The following SETD1A variants were observed in gnomAD, a reference collection of about 807,000 sequenced individuals.
SETD1A encodes the protein histone-lysine N-methyltransferase SETD1A.
Under a neutral mutation model 149.9 loss-of-function variants are expected in SETD1A, and 29 were observed. The ratio of observed to expected loss-of-function variants is 0.19; its 90% CI spans 0.14 to 0.26. SETD1A has a LOEUF of 0.26. Among genes scored for constraint, SETD1A ranks in the 10% least tolerant of loss-of-function variants. SETD1A has a pLI of 1.00. For missense variants in SETD1A, 2,109 were observed against 2,353.1 expected (o/e 0.90, Z 2.15); for synonymous variants, 1,141 against 968.5 (o/e 1.18, Z -3.31).
Position 30,983,790 on chromosome 16 carries a change from C to T in SETD1A, c.4950+18C>T, listed in dbSNP as rs753620735. The T allele has an allele frequency of 2.3e-5, 37 of 1,613,080 alleles. 1 individual carries two copies. Among genetic ancestry groups the T allele is most frequent in the Admixed American group, 1.3e-4 (8 of 59,944 alleles). The stretch of plus-strand genomic sequence containing the variant: ...GCTGCACGGTGCGCCAGGGGCCAGC[C>T]GGGGCAGGAGTTGGGGGTCGGTGGG... On this transcript the variant is annotated intron_variant, in intron 18 of 18. Coordinates refer to ENST00000262519, the MANE Select transcript of SETD1A (RefSeq NM_014712.3). The surrounding 1 kb of genome is among the most constrained non-coding windows in gnomAD (Gnocchi z 6.8).
At chr16:30,958,377 G>A (rs1185658757) in intron 1 of SETD1A, 1 of 205,488 alleles carries the variant, frequency 4.9e-6, no homozygotes, top group Non-Finnish European at 9.8e-6. Context: ...GGCCCGGGCC[G>A]CTGGCCGGTG....
At chr16:30,968,499 T>C (rs2056181675) in intron 10 of SETD1A, among the ~76,000 whole-genome samples, 1 of 150,188 alleles carries the variant, frequency 6.7e-6, no homozygotes, top group Admixed American at 6.6e-5. Flanking sequence ...TACACACACA[T>C]ATGCGTATCT....
At position 30,979,712 on chromosome 16, in the gene SETD1A, CGCCCCCTGCGCCAGCCCTGCG is replaced by C; in HGVS notation, c.3933_3953del (p.Ala1312_Pro1318del). The C allele has an allele frequency of 6.2e-7, 1 of 1,601,636 alleles. No homozygotes were observed. The highest frequency in any genetic ancestry group is 2.2e-5 in the East Asian group (1 of 44,792). On this transcript the variant is annotated inframe_deletion, in exon 14 of 19. Coordinates refer to ENST00000262519, the MANE Select transcript of SETD1A (RefSeq NM_014712.3). ...AACTATGCCCTGGCCGTCAAGCCCACGCCCCCTGCGCCAGCCCTGCGGCCCCCGGAGCCAGTGCCCGCACCC... is the reference window on the plus strand; with the variant it reads ...AACTATGCCCTGGCCGTCAAGCCCACGCCCCCGGAGCCAGTGCCCGCACCC...
rs1453543817 is a variant in SETD1A, at chr16:30,964,608, C to G, written c.870-4C>G. On this transcript the variant is annotated splice_polypyrimidine_tract_variant and splice_region_variant and intron_variant, in intron 6 of 18. Transcript: ENST00000262519. The stretch of plus-strand genomic sequence containing the variant: ...TCCAGCTAACTCCCCTGCTTCTTCT[C>G]CAGCACCACTTCAACCTCCTTCAAG... The G allele has an allele frequency of 6.2e-7, 1 of 1,610,272 alleles. No homozygotes were observed. The highest frequency in any genetic ancestry group is 1.3e-5 in the African/African-American group (1 of 74,894).
At chr16:30,976,600 G>A (rs1001094974) in intron 13 of SETD1A, among the ~76,000 whole-genome samples, 6 of 152,118 alleles carry the variant, frequency 3.9e-5, no homozygotes, top group Non-Finnish European at 7.4e-5. Context: ...GAAACTGAAG[G>A]ATGGGAAGTT....
In SETD1A at chr16:30,981,054, C is replaced by T; in HGVS notation, c.4693-7C>T. 1 of 1,613,992 alleles carries T rather than the reference C, an allele frequency of 6.2e-7. No homozygotes were observed. Among genetic ancestry groups the T allele is most frequent in the Admixed American group, 1.7e-5 (1 of 60,014 alleles). The stretch of plus-strand genomic sequence containing the variant: ...TCTGGCAGTTGAGTCTCCCTTCTGC[C>T]CCCCAGTTCCGGAAGAAGAAGCTCC... On this transcript the variant is annotated splice_region_variant and splice_polypyrimidine_tract_variant and intron_variant, in intron 16 of 18. Transcript: ENST00000262519.
intron 13 of SETD1A, 30 bp downstream of exon 13, chr16:30,971,749 G>A (rs374491574): frequency 1.4e-5 from 21 of 1,525,604 alleles, no homozygotes; most frequent in African/African-American, 2.8e-5. Flanking sequence ...CGGTTAGATC[G>A]CTGTGTGTGT....
Position 30,964,117 on chromosome 16 carries a change from C to T in SETD1A, c.663C>T (p.Ser221=), listed in dbSNP as rs1359714708. Residue 221 remains serine (S), a synonymous_variant, in exon 6 of 19, where the codon TCC becomes TCT. Coordinates refer to ENST00000262519, the MANE Select transcript of SETD1A (RefSeq NM_014712.3). ...AGGCCGAATCCCGCCGCCGCTCTTCCTCTGACACAGCTGCCTACCCAGCAG... is the reference window on the plus strand; with the variant it reads ...AGGCCGAATCCCGCCGCCGCTCTTCTTCTGACACAGCTGCCTACCCAGCAG... ...TETAESRRRS[S]SDTAAYPAGT... The T allele has an allele frequency of 6.2e-7, 1 of 1,613,702 alleles. No homozygotes were observed. Among genetic ancestry groups the T allele is most frequent in the East Asian group, 2.2e-5 (1 of 44,880 alleles).
rs1310642754 is a variant in SETD1A, at chr16:30,964,988, G to A, written c.1246G>A (p.Glu416Lys). 4.3e-6 allele frequency: 7 copies of A among 1,613,668 alleles called. No individual in the cohort carries two copies. The highest frequency in any genetic ancestry group is 5.1e-6 in the Non-Finnish European group (6 of 1,179,972). ...PPSYTSYLPP[E>K]PSRPTDQDYR... Reference sequence around the variant, plus strand: ...TTCTTACACCTCCTACCTGCCCCCCGAGCCCAGCCGGCCCACCGACCAGGA... The same window carrying A: ...TTCTTACACCTCCTACCTGCCCCCCAAGCCCAGCCGGCCCACCGACCAGGA... The change falls in exon 7 of 19, where the codon GAG (glutamate) becomes AAG (lysine). Residue 416 changes from glutamate (E) to lysine (K), a missense_variant. Coordinates refer to ENST00000262519, the MANE Select transcript of SETD1A (RefSeq NM_014712.3).
chr16:30,969,517 T>G, intron 11 of SETD1A, 55 bp downstream of exon 11: 1 of 1,599,974 alleles, frequency 6.3e-7, no homozygotes, highest in Non-Finnish European at 8.5e-7. Context: ...AGCCAGCATC[T>G]TTGTGGTTGG....
chr16:30,969,837 A>G, intron 12 of SETD1A, 148 bp downstream of exon 12: 1 of 668,962 alleles, frequency 1.5e-6, no homozygotes, highest in Non-Finnish European at 2.7e-6. Flanking sequence ...CCACATTCTT[A>G]GGAACCCTTG....
chr16:30,981,440 T>A (rs927624419), intron 17 of SETD1A, among the ~76,000 whole-genome samples: 4 of 152,178 alleles, frequency 2.6e-5, no homozygotes, highest in Non-Finnish European at 5.9e-5. Flanking sequence ...AGTGGTGCGA[T>A]CTTGGCACAC....
chr16:30,973,108 G>C (rs1349542859), intron 13 of SETD1A, among the ~76,000 whole-genome samples: 1 of 152,172 alleles, frequency 6.6e-6, no homozygotes, highest in Non-Finnish European at 1.5e-5. Context: ...TGAGCACAAG[G>C]GGGCACTGGG....
Position 30,979,988 on chromosome 16 carries a change from G to GGC in SETD1A, c.4202_4203insGC (p.Arg1402ProfsTer24). On this transcript the variant is annotated frameshift_variant, in exon 14 of 19. Transcript: ENST00000262519. LOFTEE classifies it high-confidence loss of function. ...AGCCTCCGCTCCCACGCCCGGCGCC[G>GGC]CCGCCCTCCGCCCCCACCCCCGCCG... 2.7e-6 allele frequency: 4 copies of GGC among 1,494,168 alleles called. No homozygotes were observed. Among genetic ancestry groups the GGC allele is most frequent in the Non-Finnish European group, 3.5e-6 (4 of 1,126,904 alleles). The allele number at this position is 1,494,168 out of a possible 1,614,324, so 92.6% of individuals were successfully genotyped here. A position where few individuals can be genotyped will look rare whatever the true frequency, so the allele number is the denominator to read the frequency against.
At position 30,961,629 on chromosome 16, in the gene SETD1A, A is replaced by G. The variant is rs2056053815; in HGVS notation, c.517+92A>G. 4.1e-6 allele frequency: 5 copies of G among 1,224,404 alleles called. No individual in the cohort carries two copies. Among genetic ancestry groups the G allele is most frequent in the African/African-American group, 1.5e-5 (1 of 65,296 alleles). The allele number at this position is 1,224,404 out of a possible 1,614,324, so 75.8% of individuals were successfully genotyped here. A position where few individuals can be genotyped will look rare whatever the true frequency, so the allele number is the denominator to read the frequency against. The stretch of plus-strand genomic sequence containing the variant: ...CAGGGTCAGGCAGGCGCCCAGGGTC[A>G]TGATCTGAAACTGCTGGGGCCAGTT... On this transcript the variant is annotated intron_variant, in intron 4 of 18. Transcript: ENST00000262519. This position sits in a 1 kb window ranked among gnomAD's most constrained non-coding sequence, Gnocchi z 4.0.
rs775419625 is a variant in SETD1A at position 30,983,879 on chromosome 16, C to A, written c.4980C>A (p.Ile1660=). The change falls in exon 19 of 19, where the codon ATC becomes ATA. Residue 1660 remains isoleucine, a synonymous_variant. Transcript: ENST00000262519. This position sits in a 1 kb window ranked among gnomAD's most constrained non-coding sequence, Gnocchi z 6.8. Reference sequence around the variant, plus strand: ...ACTGCTACGCCAAGGTCATCACCATCGAGTCCCAGAAGAAGATCGTGATCT... The same window carrying A: ...ACTGCTACGCCAAGGTCATCACCATAGAGTCCCAGAAGAAGATCGTGATCT... ...TPNCYAKVIT[I]ESQKKIVIYS... The A allele has an allele frequency of 1.2e-6, 2 of 1,610,930 alleles. No homozygotes were observed. Among genetic ancestry groups the A allele is most frequent in the Non-Finnish European group, 8.5e-7 (1 of 1,178,358 alleles).
intron 13 of SETD1A, among the ~76,000 whole-genome samples, chr16:30,975,523 C>T (rs931862045): frequency 1.3e-5 from 2 of 150,230 alleles, no homozygotes; most frequent in Non-Finnish European, 3.0e-5. Context: ...CTCCGCTTCC[C>T]GGGTTCATGT....
chr16:30,964,774 GTCCTCGTCCTCCTCGTCATCCTCTTCC>G lies in SETD1A; in HGVS notation c.1044_1070del (p.Ser349_Ser357del), dbSNP rs1567352020. ...CATCCTCCGCCTCTTCCTCCTCATT[GTCCTCGTCCTCCTCGTCATCCTCTTCC>G]TCCTCGTCCTCTCAGTTTCGTAGTT... is the stretch of plus-strand genomic sequence containing the variant. On this transcript the variant is annotated inframe_deletion, in exon 7 of 19. Transcript: ENST00000262519. The G allele has an allele frequency of 6.2e-7, 1 of 1,614,056 alleles. No homozygotes were observed. The highest frequency in any genetic ancestry group is 8.5e-7 in the Non-Finnish European group (1 of 1,179,942).
intron 13 of SETD1A, among the ~76,000 whole-genome samples, chr16:30,978,885 C>T (rs547242369): frequency 3.5e-4 from 53 of 152,260 alleles, no homozygotes; most frequent in Admixed American, 5.2e-4. Context: ...ACTGTGGCTC[C>T]GGGAGGACAT....
Sources: allele counts gnomAD v4.1 joint callset (sites outside exome capture counted in the v4.1 genomes callset), GRCh38; gene constraint gnomAD v4.1.1; non-coding constraint Gnocchi (gnomAD v3.1); transcripts MANE v1.5; gene names NCBI Gene and HGNC (gene_info 2026-07-23, HGNC 2026-07-21).